KCNIP4: variants seen among roughly 807,000 people sequenced by gnomAD.
KCNIP4 encodes the protein Kv channel-interacting protein 4.
In KCNIP4, 12 loss-of-function variants were observed where a neutral mutation model predicts 34.0. That is an observed-to-expected ratio of 0.35 (90% confidence interval 0.23 to 0.57). The LOEUF is 0.57. Ranked by LOEUF, KCNIP4 falls within the 20% of genes least tolerant of loss-of-function variation. The pLI, the probability that KCNIP4 is intolerant of heterozygous loss-of-function variation, is 0.83. For synonymous variants in KCNIP4, 124 were observed against 102.2 expected, an observed-to-expected ratio of 1.21 and a Z score of -1.29; for missense variants, 238 against 311.7, an observed-to-expected ratio of 0.76 and a Z score of 1.78.
At chr4:21,030,123 C>A (rs564839104) in intron 1 of KCNIP4, among the ~76,000 whole-genome samples, 1 of 152,134 alleles carries the variant, frequency 6.6e-6, no homozygotes, top group African/African-American at 2.4e-5. Flanking sequence ...GAGTAGCAGG[C>A]GAGCAAGCAA....
chr4:21,745,677 T>A (rs1366230628), intron 1 of KCNIP4, among the ~76,000 whole-genome samples: 1 of 152,074 alleles, frequency 6.6e-6, no homozygotes, highest in Non-Finnish European at 1.5e-5. Context: ...TTTCTAAGCT[T>A]TGAAGTACTA....
intron 1 of KCNIP4, among the ~76,000 whole-genome samples, chr4:21,339,467 T>A (rs1169477420): frequency 1.3e-5 from 2 of 152,336 alleles, no homozygotes; most frequent in Admixed American, 6.5e-5. Context: ...AATAGTAGCA[T>A]GACAAGGTTA....
rs771645387 is a variant in KCNIP4, at chr4:20,758,893, A to G, written c.289-3T>C. 4 of 1,612,040 alleles carry G rather than the reference A, an allele frequency of 2.5e-6. No individual in the cohort carries two copies. Among genetic ancestry groups the G allele is most frequent in the South Asian group, 2.2e-5 (2 of 90,742 alleles). On this transcript the variant is annotated splice_polypyrimidine_tract_variant and splice_region_variant and intron_variant, in intron 3 of 8. Coordinates refer to ENST00000382152, the MANE Select transcript of KCNIP4 (RefSeq NM_025221.6). ...TTAACAACACCACTGGGGCATTCCT[A>G]GGGAAAGTGGCAGAGAAGCAATATG...
intron 1 of KCNIP4, among the ~76,000 whole-genome samples, chr4:21,396,381 C>T (rs947197763): frequency 1.3e-5 from 2 of 151,456 alleles, no homozygotes; most frequent in Non-Finnish European, 2.9e-5. Flanking sequence ...GATGGTGAAA[C>T]TCTGTCTCTA....
At chr4:21,799,669 C>T (rs1720867879) in intron 1 of KCNIP4, among the ~76,000 whole-genome samples, 1 of 152,084 alleles carries the variant, frequency 6.6e-6, no homozygotes, top group Admixed American at 6.6e-5. Context: ...GGGATAAAGA[C>T]TTCATGTTCA....
At chr4:21,750,212 C>T (rs1334604208) in intron 1 of KCNIP4, among the ~76,000 whole-genome samples, 1 of 152,232 alleles carries the variant, frequency 6.6e-6, no homozygotes, top group East Asian at 1.9e-4. Context: ...TATTACAGGG[C>T]TTATGTTCAA....
intron 1 of KCNIP4, among the ~76,000 whole-genome samples, chr4:20,966,646 T>C (rs1734378385): frequency 6.6e-6 from 1 of 152,220 alleles, no homozygotes; most frequent in African/African-American, 2.4e-5. Flanking sequence ...CTATCTCATG[T>C]GTAACAGAAC....
intron 1 of KCNIP4, among the ~76,000 whole-genome samples, chr4:21,260,595 A>G (rs1761407697): frequency 6.6e-6 from 1 of 152,136 alleles, no homozygotes; most frequent in Non-Finnish European, 1.5e-5. Context: ...AATGCCTTCA[A>G]TTACCTGGCT....
chr4:21,747,496 C>A (rs1219300133), intron 1 of KCNIP4, among the ~76,000 whole-genome samples: 1 of 152,098 alleles, frequency 6.6e-6, no homozygotes, highest in African/African-American at 2.4e-5. Flanking sequence ...TAGTTCAGTG[C>A]AGGTTATAGA....
chr4:21,757,222 A>G (rs1449464625), intron 1 of KCNIP4, among the ~76,000 whole-genome samples: 1 of 27,078 alleles, frequency 3.7e-5, no homozygotes, highest in Admixed American at 2.3e-4. Flanking sequence ...AAAGAAAGAA[A>G]GAAAGAAAGA....
intron 3 of KCNIP4, among the ~76,000 whole-genome samples, chr4:20,841,515 G>A (rs1373816020): frequency 1.3e-5 from 2 of 152,068 alleles, no homozygotes; most frequent in Admixed American, 1.3e-4. Context: ...ATAGCTGTGA[G>A]TCCTCCTCAG....
rs11939374 is a variant in KCNIP4 at position 21,056,986 on chromosome 4, C to A, written c.62-174277G>T. 5.2e-3 allele frequency among the ~76,000 whole-genome samples: 797 copies of A among 152,244 alleles called. 7 individuals are homozygous for A. The highest frequency in any genetic ancestry group is 0.018 in the African/African-American group (765 of 41,556). The stretch of plus-strand genomic sequence containing the variant: ...TTCAGAAATATTTATTGTTTGGTTA[C>A]TTATTCTCATTTGCAATAAGTTATA... On this transcript the variant is annotated intron_variant, in intron 1 of 8. Coordinates refer to ENST00000382152, the MANE Select transcript of KCNIP4 (RefSeq NM_025221.6).
rs536602451 is a variant in KCNIP4 at position 21,229,401 on chromosome 4, C to T, written c.62-346692G>A. Among the ~76,000 whole-genome samples, 11 of 152,242 alleles carry T rather than the reference C, an allele frequency of 7.2e-5. No individual in the cohort carries two copies. The East Asian group carries it at 1.2e-3, about 16-fold the overall frequency. On this transcript the variant is annotated intron_variant, in intron 1 of 8. Transcript: ENST00000382152. ...ATTTGTAGGCACATCACTTATCATC[C>T]ATGTAGGCTCTCTGAGGTCAGAATT... is the stretch of plus-strand genomic sequence containing the variant.
intron 1 of KCNIP4, among the ~76,000 whole-genome samples, chr4:21,045,451 A>T (rs10018078): frequency 0.028 from 4,207 of 152,300 alleles, 167 homozygotes; most frequent in African/African-American, 0.095. Context: ...GCTTTGTTTC[A>T]AAATATTTCC....
At chr4:21,687,366 G>C (rs536411550) in intron 1 of KCNIP4, among the ~76,000 whole-genome samples, 94 of 151,656 alleles carry the variant, frequency 6.2e-4, no homozygotes, top group Non-Finnish European at 1.2e-3. Context: ...CTACCAACCT[G>C]GGAAAAGATA....
chr4:21,821,772 T>C (rs374476700), intron 1 of KCNIP4, among the ~76,000 whole-genome samples: 39 of 152,168 alleles, frequency 2.6e-4, no homozygotes, highest in African/African-American at 7.0e-4. Context: ...CATTGTTCTA[T>C]ATTTGTAATA....
chr4:21,387,254 T>G (rs1257808299), intron 1 of KCNIP4, among the ~76,000 whole-genome samples: 2 of 152,178 alleles, frequency 1.3e-5, no homozygotes, highest in Non-Finnish European at 2.9e-5. Flanking sequence ...TTCATGGAAA[T>G]GTCATTCTAT....
chr4:21,150,175 A>G (rs1364977350), intron 1 of KCNIP4, among the ~76,000 whole-genome samples: 1 of 152,154 alleles, frequency 6.6e-6, no homozygotes, highest in African/African-American at 2.4e-5. Context: ...GTGTGCAGGG[A>G]TTGGAGCCAA....
chr4:20,941,376 C>T (rs1265152800), intron 1 of KCNIP4, among the ~76,000 whole-genome samples: 1 of 152,100 alleles, frequency 6.6e-6, no homozygotes, highest in Admixed American at 6.6e-5. Context: ...TCTTAATTGG[C>T]AAAACAAATC....
Sources: gnomAD v4.1 joint callset for allele counts (sites outside exome capture counted in the v4.1 genomes callset) on GRCh38, gnomAD v4.1.1 for gene constraint, MANE v1.5 for transcripts, NCBI Gene and HGNC (gene_info 2026-07-23, HGNC 2026-07-21) for gene names.